TAF13: variants seen among roughly 807,000 people sequenced by gnomAD.
TAF13 encodes TATA-box binding protein associated factor 13.
A neutral mutation model predicts 18.7 loss-of-function variants in TAF13; 9 were observed. That is an observed-to-expected ratio of 0.48 (90% CI 0.29 to 0.84). The LOEUF (loss-of-function observed/expected upper bound fraction) is 0.84. Ranked by LOEUF, TAF13 falls within the 40% of genes least tolerant of loss-of-function variation. The probability of loss-of-function intolerance (pLI) is 0.08; values close to 1 mark genes in which losing one functional copy is unlikely to be tolerated. For synonymous variants in TAF13, 49 were observed against 44.1 expected (o/e 1.11, Z -0.44); for missense variants, 105 against 146.5 (o/e 0.72, Z 1.46).
chr1:109,072,780 CT>C (rs58964826), intron 2 of TAF13, among the ~76,000 whole-genome samples: 73,209 of 129,978 alleles, frequency 0.56, 20,033 homozygotes, highest in Non-Finnish European at 0.57. Context: ...GATTCACCAC[CT>C]TTTTTTTTTT....
chr1:109,067,140 C>T (rs1260313235), intron 2 of TAF13, among the ~76,000 whole-genome samples: 1 of 152,186 alleles, frequency 6.6e-6, no homozygotes, highest in African/African-American at 2.4e-5. Context: ...CAGGCTTCAT[C>T]TGAAGAAACC....
chr1:109,070,699 C>CA (rs1482540799), intron 2 of TAF13, among the ~76,000 whole-genome samples: 1 of 150,578 alleles, frequency 6.6e-6, no homozygotes, highest in Non-Finnish European at 1.5e-5. Flanking sequence ...CAGTCCCCCC[C>CA]AAATTTTTTT....
intron 2 of TAF13, among the ~76,000 whole-genome samples, chr1:109,072,019 CACATATATATAT>C (rs1557986035): frequency 2.2e-3 from 10 of 4,494 alleles, no homozygotes; most frequent in Non-Finnish European, 3.1e-3. Flanking sequence ...TATATACACA[CACATATATATAT>C]ATATATATAT....
At position 109,066,355 on chromosome 1, in the gene TAF13, C is replaced by G. The variant is rs1039065081; in HGVS notation, c.107-123G>C. 6.8e-6 allele frequency: 5 copies of G among 730,438 alleles called. No homozygotes were observed. The African/African-American group carries it at 9.1e-5, about 13-fold the overall frequency. The allele number at this position is 730,438 out of a possible 1,614,324, so 45.2% of individuals were successfully genotyped here. ...TATTGGTATGAAAACATATTTACAT[C>G]GTATTTGTTATCTCCAAGTATGGAT... is the stretch of plus-strand genomic sequence containing the variant. On this transcript the variant is annotated intron_variant, in intron 2 of 3. Coordinates refer to ENST00000338366, the MANE Select transcript of TAF13 (RefSeq NM_005645.4).
intron 2 of TAF13, among the ~76,000 whole-genome samples, chr1:109,073,143 C>T (rs569516972): frequency 6.6e-6 from 1 of 152,124 alleles, no homozygotes; most frequent in Non-Finnish European, 1.5e-5. Context: ...CTGTGGCTTA[C>T]AGTCAAAGAA....
chr1:109,068,835 C>T (rs58404640), intron 2 of TAF13, among the ~76,000 whole-genome samples: 148 of 152,260 alleles, frequency 9.7e-4, no homozygotes, highest in African/African-American at 3.4e-3. Context: ...AACCCCGTCT[C>T]TACTAAAAAT....
intron 2 of TAF13, among the ~76,000 whole-genome samples, chr1:109,067,466 T>TG (rs1193504097): frequency 1.4e-5 from 2 of 147,622 alleles, no homozygotes; most frequent in East Asian, 4.0e-4. Context: ...AAAAGTCAGC[T>TG]GGGGGTGTTG....
rs755453842 is a variant in TAF13, at chr1:109,066,241, GA to G, written c.107-10del. ...ATACATCATACATCGCACTGTAAAAGAACAATCACTTACTTTTGTTTACTTT... is the reference window on the plus strand; with the variant it reads ...ATACATCATACATCGCACTGTAAAAGACAATCACTTACTTTTGTTTACTTT... On this transcript the variant is annotated splice_polypyrimidine_tract_variant and intron_variant, in intron 2 of 3. Coordinates refer to ENST00000338366, the MANE Select transcript of TAF13 (RefSeq NM_005645.4). 4.4e-6 allele frequency: 7 copies of G among 1,573,656 alleles called. No individual in the cohort carries two copies. In the East Asian group the frequency reaches 1.6e-4, roughly 36 times the overall value.
chr1:109,064,725 T>C, intron 3 of TAF13, 32 bp from the exon 4 acceptor site: 1 of 1,394,908 alleles, frequency 7.2e-7, no homozygotes, highest in Non-Finnish European at 9.4e-7. Context: ...CATTTAACTT[T>C]TTTAAATCTA....
intron 2 of TAF13, 123 bp from the exon 3 acceptor site, chr1:109,066,355 C>T (rs1039065081): frequency 2.7e-6 from 2 of 730,556 alleles, no homozygotes; most frequent in South Asian, 2.1e-5. Flanking sequence ...ATATTTACAT[C>T]GTATTTGTTA....
intron 2 of TAF13, among the ~76,000 whole-genome samples, chr1:109,071,951 A>C (rs1664061919): frequency 1.1e-5 from 1 of 88,992 alleles, no homozygotes. Context: ...TCTGTCTCAA[A>C]AAGAAAATAT....
At chr1:109,068,508 T>C (rs1322741999) in intron 2 of TAF13, among the ~76,000 whole-genome samples, 1 of 151,974 alleles carries the variant, frequency 6.6e-6, no homozygotes, top group Non-Finnish European at 1.5e-5. Flanking sequence ...TTTCTAACTA[T>C]TTATTTATTT....
chr1:109,069,133 T>C (rs1664005988), intron 2 of TAF13, among the ~76,000 whole-genome samples: 1 of 152,158 alleles, frequency 6.6e-6, no homozygotes. Context: ...TATATGTAAA[T>C]GGTAAGAAAT....
At chr1:109,066,093 C>G in intron 3 of TAF13, 42 bp downstream of exon 3, 1 of 1,517,282 alleles carries the variant, frequency 6.6e-7, no homozygotes, top group Non-Finnish European at 9.1e-7. Context: ...TATTTCAAAT[C>G]TATTCTTCAA....
intron 1 of TAF13, among the ~76,000 whole-genome samples, chr1:109,075,267 T>C (rs1664160866): frequency 6.6e-6 from 1 of 152,002 alleles, no homozygotes; most frequent in African/African-American, 2.4e-5. Context: ...GCTTCTACAA[T>C]GTTCCTAACT....
chr1:109,066,400 GAACAGTCTGATGACC>G (rs1208821268), intron 2 of TAF13, among the ~76,000 whole-genome samples, 168 bp from the exon 3 acceptor site: 7 of 152,182 alleles, frequency 4.6e-5, no homozygotes, highest in African/African-American at 1.7e-4. Context: ...AAAGGTTTAA[GAACAGTCTGATGACC>G]AACTGTTCCC....
At chr1:109,064,832 T>C in intron 3 of TAF13, 139 bp from the exon 4 acceptor site, 2 of 681,238 alleles carry the variant, frequency 2.9e-6, no homozygotes, top group Non-Finnish European at 4.2e-6. Context: ...TGAATTATCT[T>C]TCTACTCATG....
At chr1:109,070,469 A>G (rs532800375) in intron 2 of TAF13, among the ~76,000 whole-genome samples, 17 of 152,178 alleles carry the variant, frequency 1.1e-4, no homozygotes, top group African/African-American at 3.6e-4. Context: ...CGCCCATCTC[A>G]GCCTCCCAAA....
chr1:109,066,850 G>C (rs1557984304), intron 2 of TAF13, among the ~76,000 whole-genome samples: 2 of 152,026 alleles, frequency 1.3e-5, no homozygotes. Context: ...CTCCCGAGTA[G>C]CTGGGACTAC....
Sources: gnomAD v4.1 joint callset for allele counts (sites outside exome capture counted in the v4.1 genomes callset) on GRCh38, gnomAD v4.1.1 for gene constraint, MANE v1.5 for transcripts, NCBI Gene and HGNC (gene_info 2026-07-23, HGNC 2026-07-21) for gene names.